The following TYR variants were observed in gnomAD, a reference collection of about 807,000 sequenced individuals.
TYR encodes the protein LB24-AB.
Under a neutral mutation model 51.5 loss-of-function variants are expected in TYR, and 58 were observed. The observed-to-expected ratio is 1.13, with a 90% confidence interval of 0.91 to 1.40. The LOEUF (loss-of-function observed/expected upper bound fraction) is 1.40, where lower values mean the gene tolerates loss of function less well. Ranked by LOEUF, TYR falls within the 40% of genes most tolerant of loss-of-function variation. The pLI, the probability that TYR is intolerant of heterozygous loss-of-function variation, is 0.00. For missense variants in TYR, 732 were observed against 647.4 expected, an observed-to-expected ratio of 1.13 and a Z score of -1.42; for synonymous variants, 263 against 235.2, an observed-to-expected ratio of 1.12 and a Z score of -1.08.
At chr11:89,227,615 C>T (rs556548056) in intron 2 of TYR, among the ~76,000 whole-genome samples, 2 of 152,196 alleles carry the variant, frequency 1.3e-5, no homozygotes, top group South Asian at 4.1e-4. Context: ...CCATTGTACC[C>T]AAATTTGGGC....
intron 1 of TYR, among the ~76,000 whole-genome samples, chr11:89,183,242 T>G (rs1943325159): frequency 6.6e-6 from 1 of 152,050 alleles, no homozygotes; most frequent in Admixed American, 6.6e-5. Context: ...CTATCTCCCC[T>G]TTTTTCTTTG....
chr11:89,281,751 G>T (rs975151315), intron 3 of TYR, among the ~76,000 whole-genome samples: 1 of 151,644 alleles, frequency 6.6e-6, no homozygotes. Flanking sequence ...GTCTTTACAT[G>T]TCTGACCTGA....
At position 89,178,064 on chromosome 11, in the gene TYR, A is replaced by C; in HGVS notation, c.111A>C (p.Pro37=). The C allele has an allele frequency of 6.2e-7, 1 of 1,614,214 alleles. No individual in the cohort carries two copies. Among genetic ancestry groups the C allele is most frequent in the Non-Finnish European group, 8.5e-7 (1 of 1,180,018 alleles). The stretch of plus-strand genomic sequence containing the variant: ...ACCTGATGGAGAAGGAATGCTGTCC[A>C]CCGTGGAGCGGGGACAGGAGTCCCT... ...SKNLMEKECC[P]PWSGDRSPCG... is the part of the protein sequence containing the mutation. The change falls in exon 1 of 5, where the codon CCA becomes CCC. Residue 37 remains proline (P), a synonymous_variant. Coordinates refer to ENST00000263321, the MANE Select transcript of TYR (RefSeq NM_000372.5).
At chr11:89,255,624 T>C (rs1944381403) in intron 3 of TYR, among the ~76,000 whole-genome samples, 1 of 151,764 alleles carries the variant, frequency 6.6e-6, no homozygotes, top group Non-Finnish European at 1.5e-5. Context: ...TCTTCTTGAA[T>C]GAACATTAGT....
chr11:89,285,610 C>T (rs1490280502), intron 4 of TYR, among the ~76,000 whole-genome samples: 3 of 151,742 alleles, frequency 2.0e-5, no homozygotes, highest in Non-Finnish European at 1.5e-5. Flanking sequence ...AAATGAGGAA[C>T]AGATAGTAGT....
chr11:89,227,027 AC>A (rs950309437), intron 2 of TYR, among the ~76,000 whole-genome samples: 4 of 152,130 alleles, frequency 2.6e-5, no homozygotes, highest in African/African-American at 9.7e-5. Flanking sequence ...TCTAATTGAT[AC>A]GGATTAAAAT....
At chr11:89,189,844 C>CA (rs1158422039) in intron 1 of TYR, among the ~76,000 whole-genome samples, 1 of 152,086 alleles carries the variant, frequency 6.6e-6, no homozygotes, top group African/African-American at 2.4e-5. Flanking sequence ...CTGTAACCTT[C>CA]AAAAAGCTAA....
At chr11:89,255,451 T>C (rs541123486) in intron 3 of TYR, among the ~76,000 whole-genome samples, 7 of 151,850 alleles carry the variant, frequency 4.6e-5, no homozygotes, top group Non-Finnish European at 1.0e-4. Context: ...CTTCCTCTTT[T>C]AGTTTTAGGA....
At chr11:89,236,869 C>T (rs191800105) in intron 3 of TYR, among the ~76,000 whole-genome samples, 1 of 152,156 alleles carries the variant, frequency 6.6e-6, no homozygotes, top group Non-Finnish European at 1.5e-5. Flanking sequence ...TTGACCTCCT[C>T]CATAAACTAT....
At chr11:89,208,061 G>A (rs947777564) in intron 2 of TYR, among the ~76,000 whole-genome samples, 7 of 152,214 alleles carry the variant, frequency 4.6e-5, no homozygotes, top group African/African-American at 1.7e-4. Flanking sequence ...GAAGTCAGGA[G>A]ATCAAGACCA....
chr11:89,185,573 C>G (rs1194728035), intron 1 of TYR, among the ~76,000 whole-genome samples: 1 of 152,040 alleles, frequency 6.6e-6, no homozygotes, highest in Non-Finnish European at 1.5e-5. Context: ...ACGTAACAAT[C>G]ATTGTTTATT....
rs142290182 is a variant in TYR, at chr11:89,236,219, C to T, written c.1184+8249C>T. Among the ~76,000 whole-genome samples, 90 of 134,734 alleles carry T rather than the reference C, an allele frequency of 6.7e-4. 1 individual carries two copies. Among genetic ancestry groups the T allele is most frequent in the African/African-American group, 2.6e-3 (87 of 33,192 alleles). The allele number at this position is 134,734 out of a possible 152,430, so 88.4% of individuals were successfully genotyped here. A position where few individuals can be genotyped will look rare whatever the true frequency, so the allele number is the denominator to read the frequency against. On this transcript the variant is annotated intron_variant, in intron 3 of 4. Transcript: ENST00000263321. ...CCCTGCCAAACCACAAAATTCCATACACACTCACACACACATACACACACA... is the reference window on the plus strand; with the variant it reads ...CCCTGCCAAACCACAAAATTCCATATACACTCACACACACATACACACACA...
intron 3 of TYR, among the ~76,000 whole-genome samples, chr11:89,254,675 C>T (rs1246524754): frequency 6.6e-6 from 1 of 151,648 alleles, no homozygotes; most frequent in African/African-American, 2.4e-5. Context: ...TAATATCTCC[C>T]ATTTCATTTC....
At chr11:89,208,920 G>A (rs1024973187) in intron 2 of TYR, among the ~76,000 whole-genome samples, 2 of 152,160 alleles carry the variant, frequency 1.3e-5, no homozygotes, top group Non-Finnish European at 2.9e-5. Context: ...ACAAAGGTAA[G>A]ACCTTTTGCT....
intron 1 of TYR, 86 bp from the exon 2 acceptor site, chr11:89,191,116 G>A (rs752770123): frequency 3.2e-5 from 39 of 1,209,134 alleles, no homozygotes; most frequent in South Asian, 8.6e-5. Flanking sequence ...GTCTAACAAC[G>A]ATAATTAGGA....
intron 4 of TYR, among the ~76,000 whole-genome samples, chr11:89,290,535 T>G (rs957881117): frequency 4.6e-5 from 7 of 152,198 alleles, no homozygotes; most frequent in African/African-American, 1.7e-4. Flanking sequence ...CAATTTAAGC[T>G]AAGTATTGTA....
At chr11:89,182,641 CTGT>C (rs1197125793) in intron 1 of TYR, among the ~76,000 whole-genome samples, 3 of 152,212 alleles carry the variant, frequency 2.0e-5, no homozygotes, top group East Asian at 1.9e-4. Context: ...TAATTCATGT[CTGT>C]TGTTTGCTCA....
intron 4 of TYR, among the ~76,000 whole-genome samples, chr11:89,287,634 A>C (rs1944805471): frequency 6.6e-6 from 1 of 151,942 alleles, no homozygotes; most frequent in Admixed American, 6.6e-5. Flanking sequence ...AGGTAGAATT[A>C]ACTAGTTGAA....
chr11:89,192,905 G>A (rs1943465001), intron 2 of TYR, among the ~76,000 whole-genome samples: 1 of 152,102 alleles, frequency 6.6e-6, no homozygotes, highest in Non-Finnish European at 1.5e-5. Flanking sequence ...TTGAAAAGTG[G>A]TGGAGATAAT....
Sources: allele counts gnomAD v4.1 joint callset (sites outside exome capture counted in the v4.1 genomes callset), GRCh38; gene constraint gnomAD v4.1.1; transcripts MANE v1.5; gene names NCBI Gene and HGNC (gene_info 2026-07-23, HGNC 2026-07-21).